LRTM1: variants seen among roughly 807,000 people sequenced by gnomAD.
LRTM1 encodes leucine-rich repeat and transmembrane domain-containing protein 1.
LRTM1 carries 38 observed loss-of-function variants against 32.4 expected under a neutral mutation model. The ratio of observed to expected loss-of-function variants is 1.17; its 90% CI spans 0.91 to 1.54. The LOEUF (loss-of-function observed/expected upper bound fraction) is 1.54, where lower values mean the gene tolerates loss of function less well. LRTM1 is among the 40% of genes most tolerant of loss of function. LRTM1 has a pLI of 0.00. For synonymous variants in LRTM1, 186 were observed against 169.9 expected, an observed-to-expected ratio of 1.09 and a Z score of -0.74; for missense variants, 466 against 415.4, an observed-to-expected ratio of 1.12 and a Z score of -1.06.
chr3:54,923,410 C>G (rs1700910193), intron 2 of LRTM1, among the ~76,000 whole-genome samples: 1 of 152,146 alleles, frequency 6.6e-6, no homozygotes, highest in African/African-American at 2.4e-5. Flanking sequence ...CCTCCTCAGT[C>G]TTTGGGTTCT....
intron 1 of LRTM1, among the ~76,000 whole-genome samples, chr3:54,966,084 AG>A (rs1702143075): frequency 6.6e-6 from 1 of 152,110 alleles, no homozygotes; most frequent in African/African-American, 2.4e-5. Flanking sequence ...AGCGGGGAGC[AG>A]CTGGCTTCAT....
At chr3:54,931,094 TCAAAA>T (rs889628672), upstream of LRTM1, among the ~76,000 whole-genome samples, 14 of 152,268 alleles carry the variant, frequency 9.2e-5, no homozygotes, top group Admixed American at 6.5e-4. Context: ...AGACTCCTTC[TCAAAA>T]CAAAACAAAA....
chr3:54,959,017 C>T (rs1315710405), intron 1 of LRTM1, among the ~76,000 whole-genome samples: 1 of 152,116 alleles, frequency 6.6e-6, no homozygotes, highest in East Asian at 1.9e-4. Context: ...GGGATAATTG[C>T]CTGAGCCTGG....
At position 54,942,050 on chromosome 3, in the gene LRTM1, C is replaced by T. The variant is rs1309896605; in HGVS notation, c.-221-16835G>A. Reference sequence around the variant, plus strand: ...GATCAGTTTCTTTCTTGTAAAAATGCGTCCTCAGTCACATAGGAACTTCAA... The same window carrying T: ...GATCAGTTTCTTTCTTGTAAAAATGTGTCCTCAGTCACATAGGAACTTCAA... On this transcript the variant is annotated intron_variant, in intron 1 of 2. Coordinates refer to the LRTM1 transcript ENST00000493075. Among the ~76,000 whole-genome samples, 5 of 152,192 alleles carry T rather than the reference C, an allele frequency of 3.3e-5. No individual in the cohort carries two copies. In the East Asian group the frequency reaches 7.7e-4, roughly 23 times the overall value.
At chr3:54,962,015 T>C (rs1277770741) in intron 1 of LRTM1, among the ~76,000 whole-genome samples, 2 of 152,032 alleles carry the variant, frequency 1.3e-5, no homozygotes, top group East Asian at 3.9e-4. Context: ...TCTCTCTCCC[T>C]CTTCCTGTAA....
intron 1 of LRTM1, 111 bp downstream of exon 1, chr3:54,927,794 G>T: frequency 8.6e-7 from 1 of 1,159,036 alleles, no homozygotes; most frequent in Non-Finnish European, 1.3e-6. Flanking sequence ...TATCTGTCCA[G>T]TCTTTTAAGA....
At chr3:54,937,075 A>G (rs191521760) in intron 1 of LRTM1, among the ~76,000 whole-genome samples, 4 of 152,286 alleles carry the variant, frequency 2.6e-5, no homozygotes, top group Admixed American at 1.3e-4. Context: ...TTCACCCCTT[A>G]GAGACTGGTG....
chr3:54,932,982 G>A (rs1209391056), upstream of LRTM1, among the ~76,000 whole-genome samples: 2 of 152,092 alleles, frequency 1.3e-5, no homozygotes, highest in Admixed American at 1.3e-4. Context: ...TGACCAAACG[G>A]CACCCAGGTA....
chr3:54,929,957 C>A (rs148209645), upstream of LRTM1, among the ~76,000 whole-genome samples: 3 of 152,252 alleles, frequency 2.0e-5, no homozygotes, highest in African/African-American at 4.8e-5. Flanking sequence ...ACCTGTGTGC[C>A]TCTCTCTTTC....
At chr3:54,950,135 T>C (rs1478733691) in intron 1 of LRTM1, among the ~76,000 whole-genome samples, 1 of 152,200 alleles carries the variant, frequency 6.6e-6, no homozygotes, top group Non-Finnish European at 1.5e-5. Context: ...ATGGGAGTCA[T>C]AAGTGAAAAG....
intron 1 of LRTM1, among the ~76,000 whole-genome samples, chr3:54,965,013 G>A (rs1702116811): frequency 6.6e-6 from 1 of 151,968 alleles, no homozygotes; most frequent in South Asian, 2.1e-4. Flanking sequence ...CTGCCACTTC[G>A]ATACTAAAGA....
chr3:54,927,903 A>C lies in LRTM1; in HGVS notation c.7+2T>G, dbSNP rs758683843. The C allele has an allele frequency of 6.2e-7, 1 of 1,613,692 alleles. No individual in the cohort carries two copies. Among genetic ancestry groups the C allele is most frequent in the South Asian group, 1.1e-5 (1 of 91,036 alleles). ...TTCCAACGGGAATTGATCAGGGCTC[A>C]CCTTTCATGACTGAGTCTCCTTGGG... On this transcript the variant is annotated splice_donor_variant, in intron 1 of 2. Coordinates refer to ENST00000273286, the MANE Select transcript of LRTM1 (RefSeq NM_020678.4). LOFTEE classifies it high-confidence loss of function.
At chr3:54,931,246 G>C (rs1002644589), upstream of LRTM1, among the ~76,000 whole-genome samples, 1 of 152,188 alleles carries the variant, frequency 6.6e-6, no homozygotes, top group Non-Finnish European at 1.5e-5. Flanking sequence ...GGCAACATCT[G>C]CTTACTGCCC....
intron 1 of LRTM1, among the ~76,000 whole-genome samples, chr3:54,926,243 T>C (rs1023343153): frequency 6.6e-6 from 1 of 152,208 alleles, no homozygotes; most frequent in Non-Finnish European, 1.5e-5. Context: ...AAGTGCTTTA[T>C]AAATATGTAT....
rs1218862283 is a variant in LRTM1, at chr3:54,918,279, G to A, written c.*180C>T. ...TTTTACCTATAGTATTTTAAAAATC[G>A]CAACATAAATTCCTCCCCAGAAATA... is the stretch of plus-strand genomic sequence containing the variant. On this transcript the variant is annotated 3_prime_UTR_variant, in exon 3 of 3. Coordinates refer to ENST00000273286, the MANE Select transcript of LRTM1 (RefSeq NM_020678.4). 2.1e-5 allele frequency: 13 copies of A among 630,682 alleles called. No homozygotes were observed. In the South Asian group the frequency reaches 2.6e-4, roughly 13 times the overall value. The allele number at this position is 630,682 out of a possible 1,614,324, so 39.1% of individuals were successfully genotyped here.
At chr3:54,924,220 G>A (rs149417086) in intron 2 of LRTM1, among the ~76,000 whole-genome samples, 1 of 152,306 alleles carries the variant, frequency 6.6e-6, no homozygotes, top group African/African-American at 2.4e-5. Context: ...CAGACAAAGA[G>A]AGAAAAATAT....
At chr3:54,966,336 G>T (rs1702149537) in intron 1 of LRTM1, among the ~76,000 whole-genome samples, 1 of 152,166 alleles carries the variant, frequency 6.6e-6, no homozygotes, top group Non-Finnish European at 1.5e-5. Context: ...TTGAAATGCA[G>T]TCAACTACCA....
chr3:54,965,946 C>T (rs1024080493), intron 1 of LRTM1, among the ~76,000 whole-genome samples: 1 of 152,156 alleles, frequency 6.6e-6, no homozygotes, highest in South Asian at 2.1e-4. Flanking sequence ...AGAGAAGCAG[C>T]CTGCATGATT....
At chr3:54,920,886 G>A (rs764460714) in intron 2 of LRTM1, among the ~76,000 whole-genome samples, 5 of 152,246 alleles carry the variant, frequency 3.3e-5, no homozygotes, top group Non-Finnish European at 5.9e-5. Context: ...TCTGTTGTTC[G>A]GTATTAAGGT....
Sources: gnomAD v4.1 joint callset for allele counts (sites outside exome capture counted in the v4.1 genomes callset) on GRCh38, gnomAD v4.1.1 for gene constraint, MANE v1.5 for transcripts, NCBI Gene and HGNC (gene_info 2026-07-23, HGNC 2026-07-21) for gene names.